Variants in EFCAB8 observed in about 807,000 individuals in gnomAD.
The protein encoded by EFCAB8 is EF-hand calcium binding domain 8, also known as EF-hand calcium-binding domain-containing protein 8.
Under a neutral mutation model 116.3 loss-of-function variants are expected in EFCAB8, and 100 were observed. The ratio of observed to expected loss-of-function variants is 0.86; its 90% CI spans 0.73 to 1.02. The LOEUF is 1.02. EFCAB8 is among the 50% of genes least tolerant of loss of function. EFCAB8 has a pLI of 0.00. For synonymous variants in EFCAB8, 558 were observed against 567.9 expected, an observed-to-expected ratio of 0.98 and a Z score of 0.25; for missense variants, 1,320 against 1,416.9, an observed-to-expected ratio of 0.93 and a Z score of 1.10.
At chr20:32,902,897 G>A (rs747314346) in intron 11 of EFCAB8, among the ~76,000 whole-genome samples, 7 of 152,114 alleles carry the variant, frequency 4.6e-5, no homozygotes, top group Non-Finnish European at 7.4e-5. Flanking sequence ...AGCAGGAGCC[G>A]GTGCTGAGTG....
chr20:32,896,885 C>T (rs183600204), intron 10 of EFCAB8, among the ~76,000 whole-genome samples: 5 of 152,278 alleles, frequency 3.3e-5, no homozygotes, highest in South Asian at 2.1e-4. Flanking sequence ...TGAGTCACCC[C>T]GGTAGCTTCT....
At chr20:32,944,979 C>T (rs563368714) in intron 23 of EFCAB8, among the ~76,000 whole-genome samples, 1 of 151,582 alleles carries the variant, frequency 6.6e-6, no homozygotes, top group African/African-American at 2.4e-5. Context: ...GACGATGTCT[C>T]ATAAATCCCT....
chr20:32,957,629 G>C (rs183946398), intron 23 of EFCAB8, among the ~76,000 whole-genome samples: 114 of 152,132 alleles, frequency 7.5e-4, no homozygotes, highest in Admixed American at 2.7e-3. Context: ...CTGGTGCTCG[G>C]CAAATGTCCT....
intron 2 of EFCAB8, among the ~76,000 whole-genome samples, chr20:32,867,162 C>T (rs746341612): frequency 1.3e-5 from 2 of 152,174 alleles, no homozygotes; most frequent in Non-Finnish European, 2.9e-5. Flanking sequence ...TCAAATGATC[C>T]GCCCTCCTCG....
chr20:32,911,422 C>A, intron 15 of EFCAB8, 58 bp from the exon 16 acceptor site: 1 of 1,406,696 alleles, frequency 7.1e-7, no homozygotes, highest in Non-Finnish European at 9.4e-7. Context: ...CTGGAGACCA[C>A]CCTTGGGAGT....
chr20:32,910,346 G>T (rs983748218), intron 15 of EFCAB8, among the ~76,000 whole-genome samples: 1 of 152,162 alleles, frequency 6.6e-6, no homozygotes, highest in Non-Finnish European at 1.5e-5. Context: ...TGTAGGAAGG[G>T]ACGGAGGCCC....
intron 23 of EFCAB8, among the ~76,000 whole-genome samples, chr20:32,944,868 T>G (rs977765779): frequency 1.3e-5 from 2 of 152,118 alleles, no homozygotes; most frequent in Non-Finnish European, 2.9e-5. Flanking sequence ...ATTTGAAACA[T>G]TTTCAGCCAT....
chr20:32,927,875 C>A (rs770031486), intron 20 of EFCAB8, among the ~76,000 whole-genome samples: 5 of 152,104 alleles, frequency 3.3e-5, no homozygotes, highest in Non-Finnish European at 7.4e-5. Context: ...CCATTGAAAC[C>A]ATTTTTAAGT....
At chr20:32,927,568 C>G (rs1195048757) in intron 20 of EFCAB8, among the ~76,000 whole-genome samples, 3 of 152,178 alleles carry the variant, frequency 2.0e-5, no homozygotes, top group Non-Finnish European at 4.4e-5. Context: ...TGGTCTTGAA[C>G]TCCTGACCTC....
chr20:32,951,174 T>C (rs1988786055), intron 23 of EFCAB8, among the ~76,000 whole-genome samples: 1 of 152,218 alleles, frequency 6.6e-6, no homozygotes, highest in Non-Finnish European at 1.5e-5. Flanking sequence ...CCCTATGATA[T>C]GAATCAGCTG....
chr20:32,899,488 A>G (rs1986329109), intron 11 of EFCAB8, among the ~76,000 whole-genome samples: 1 of 152,190 alleles, frequency 6.6e-6, no homozygotes, highest in African/African-American at 2.4e-5. Flanking sequence ...AAAACATTAT[A>G]AAGAAGGTTG....
chr20:32,875,502 GTTTTTT>G (rs57620114), intron 3 of EFCAB8, among the ~76,000 whole-genome samples: 1 of 89,890 alleles, frequency 1.1e-5, no homozygotes, highest in Non-Finnish European at 2.6e-5. Flanking sequence ...AAACATGGTG[GTTTTTT>G]TTTTTTTTTT....
At chr20:32,952,043 T>G (rs1199322112) in intron 23 of EFCAB8, among the ~76,000 whole-genome samples, 2 of 152,158 alleles carry the variant, frequency 1.3e-5, no homozygotes, top group East Asian at 3.9e-4. Flanking sequence ...GTGGATTGCT[T>G]GAGCTCAGGA....
Position 32,870,933 on chromosome 20 carries a change from A to C in EFCAB8, c.208+3186A>C, listed in dbSNP as rs191301797. Among the ~76,000 whole-genome samples the C allele has an allele frequency of 6.3e-3, 942 of 150,228 alleles. 13 individuals are homozygous for C. Among genetic ancestry groups the C allele is most frequent in the African/African-American group, 0.022 (901 of 40,662 alleles). On this transcript the variant is annotated intron_variant, in intron 3 of 26. Transcript: ENST00000400522. ...GAGTGCAGTGGTGCGATCTCGGCTC[A>C]CTGCAACCTCTGCCTCCCAGGTTCA...
intron 20 of EFCAB8, among the ~76,000 whole-genome samples, chr20:32,925,468 C>T (rs1013245793): frequency 3.9e-5 from 6 of 152,214 alleles, no homozygotes; most frequent in Non-Finnish European, 5.9e-5. Context: ...ATCCTCTTGC[C>T]TCAGCTTTCC....
intron 5 of EFCAB8, among the ~76,000 whole-genome samples, chr20:32,880,761 G>T (rs552773158): frequency 6.6e-6 from 1 of 152,144 alleles, no homozygotes; most frequent in Non-Finnish European, 1.5e-5. Context: ...AGGAACCTCC[G>T]TGTGTTCAGC....
At chr20:32,932,407 T>C (rs920772972) in intron 22 of EFCAB8, among the ~76,000 whole-genome samples, 1 of 152,108 alleles carries the variant, frequency 6.6e-6, no homozygotes, top group African/African-American at 2.4e-5. Context: ...ACTACACTTA[T>C]ATACGATTTT....
intron 17 of EFCAB8, among the ~76,000 whole-genome samples, chr20:32,915,767 G>A (rs1385469655): frequency 1.3e-5 from 2 of 151,838 alleles, no homozygotes; most frequent in African/African-American, 2.4e-5. Context: ...CGCGTCCCGG[G>A]TTCAAGTGAT....
intron 2 of EFCAB8, among the ~76,000 whole-genome samples, chr20:32,865,536 A>G (rs900771755): frequency 6.6e-6 from 1 of 151,982 alleles, no homozygotes; most frequent in African/African-American, 2.4e-5. Flanking sequence ...AGTGGCCCAT[A>G]TCTGTAATCC....
Sources: gnomAD v4.1 joint callset for allele counts (sites outside exome capture counted in the v4.1 genomes callset) on GRCh38, gnomAD v4.1.1 for gene constraint, MANE v1.5 for transcripts, NCBI Gene and HGNC (gene_info 2026-07-23, HGNC 2026-07-21) for gene names.